UBAC2: variants seen among roughly 807,000 people sequenced by gnomAD.
UBAC2 encodes UBA domain containing 2.
UBAC2 carries 26 observed loss-of-function variants against 44.0 expected under a neutral mutation model. The observed-to-expected ratio is 0.59, with a 90% CI of 0.43 to 0.82. UBAC2 has a LOEUF of 0.82. Ranked by LOEUF, UBAC2 falls within the 40% of genes least tolerant of loss-of-function variation. The pLI is 0.00. For missense variants in UBAC2, 329 were observed against 419.4 expected (o/e 0.78, Z 1.88); for synonymous variants, 155 against 154.3 (o/e 1.00, Z -0.04).
chr13:99,299,696 T>C (rs2149263), intron 4 of UBAC2, among the ~76,000 whole-genome samples: 147,949 of 152,228 alleles, frequency 0.97, 72,027 homozygotes, highest in East Asian at 1. Context: ...CAAAGCTTGC[T>C]GTTCAGTGTT....
intron 4 of UBAC2, among the ~76,000 whole-genome samples, chr13:99,254,019 C>T (rs1446660845): frequency 6.6e-6 from 1 of 152,042 alleles, no homozygotes; most frequent in Non-Finnish European, 1.5e-5. Context: ...TGGTTTGTTA[C>T]TTTATTAGGA....
At chr13:99,280,106 C>T (rs2043932729) in intron 4 of UBAC2, among the ~76,000 whole-genome samples, 1 of 152,202 alleles carries the variant, frequency 6.6e-6, no homozygotes, top group Non-Finnish European at 1.5e-5. Context: ...ATCTCAATGC[C>T]ATCATCTGCA....
At chr13:99,281,876 C>T (rs1451290343) in intron 4 of UBAC2, among the ~76,000 whole-genome samples, 26 of 152,136 alleles carry the variant, frequency 1.7e-4, no homozygotes, top group Non-Finnish European at 1.5e-5. Flanking sequence ...TTTCAAACTG[C>T]GGTCTCAGTG....
At chr13:99,210,786 A>G (rs927740485) in intron 1 of UBAC2, among the ~76,000 whole-genome samples, 5 of 151,422 alleles carry the variant, frequency 3.3e-5, no homozygotes, top group South Asian at 2.1e-4. Flanking sequence ...CTATTTTTAT[A>G]CTTGTAGTAG....
At chr13:99,276,932 T>C (rs1171362496) in intron 4 of UBAC2, among the ~76,000 whole-genome samples, 1 of 152,198 alleles carries the variant, frequency 6.6e-6, no homozygotes, top group African/African-American at 2.4e-5. Flanking sequence ...TGCAGTGCTC[T>C]GCCTTCCTCT....
At position 99,295,210 on chromosome 13, in the gene UBAC2, A is replaced by G. The variant is rs1426134688; in HGVS notation, c.390-18887A>G. On this transcript the variant is annotated intron_variant, in intron 4 of 8. Coordinates refer to ENST00000403766, the MANE Select transcript of UBAC2 (RefSeq NM_001144072.2). The surrounding 1 kb of genome is among the most constrained non-coding windows in gnomAD (Gnocchi z 4.1). Reference sequence around the variant, plus strand: ...TCATAACCTTTCTCTTATACCCTTTACATGCAAAGAAGTAGATAAAAGGGT... The same window carrying G: ...TCATAACCTTTCTCTTATACCCTTTGCATGCAAAGAAGTAGATAAAAGGGT... The G allele has an allele frequency of 2.5e-6, 4 of 1,614,120 alleles. No individual in the cohort carries two copies. Among genetic ancestry groups the G allele is most frequent in the Non-Finnish European group, 3.4e-6 (4 of 1,179,994 alleles).
At chr13:99,328,875 T>G (rs1193448899) in intron 6 of UBAC2, among the ~76,000 whole-genome samples, 1 of 152,234 alleles carries the variant, frequency 6.6e-6, no homozygotes, top group Non-Finnish European at 1.5e-5. Flanking sequence ...GATGTTCTAT[T>G]TAAGAAATCT....
intron 1 of UBAC2, among the ~76,000 whole-genome samples, chr13:99,210,402 T>G (rs1403505337): frequency 6.6e-6 from 1 of 152,170 alleles, no homozygotes; most frequent in Non-Finnish European, 1.5e-5. Flanking sequence ...TTTCTTGCCT[T>G]TTTTCCACCC....
intron 5 of UBAC2, among the ~76,000 whole-genome samples, chr13:99,316,165 A>C (rs1268229353): frequency 1.3e-5 from 2 of 152,108 alleles, no homozygotes; most frequent in Non-Finnish European, 2.9e-5. Flanking sequence ...TGAGATCAGA[A>C]AATAGAGGTG....
intron 1 of UBAC2, among the ~76,000 whole-genome samples, chr13:99,208,794 C>A (rs2042905877): frequency 6.6e-6 from 1 of 152,230 alleles, no homozygotes; most frequent in African/African-American, 2.4e-5. Context: ...CTGAGCCTCG[C>A]ACGTAGTTAA....
At chr13:99,300,369 A>G (rs1024042065) in intron 4 of UBAC2, among the ~76,000 whole-genome samples, 4 of 152,222 alleles carry the variant, frequency 2.6e-5, no homozygotes, top group Non-Finnish European at 4.4e-5. Flanking sequence ...TTGAAGGATG[A>G]TTCCGCTAGC....
At chr13:99,235,552 A>G (rs1305833322) in intron 1 of UBAC2, among the ~76,000 whole-genome samples, 1 of 152,240 alleles carries the variant, frequency 6.6e-6, no homozygotes, top group Non-Finnish European at 1.5e-5. Flanking sequence ...CCAAATCAGC[A>G]GGATACTCAC....
intron 4 of UBAC2, among the ~76,000 whole-genome samples, chr13:99,281,219 AAAC>A (rs1304455746): frequency 2.0e-5 from 3 of 152,080 alleles, no homozygotes; most frequent in African/African-American, 4.8e-5. Context: ...AAACAAAAAA[AAAC>A]AACAGCAACA....
intron 8 of UBAC2, among the ~76,000 whole-genome samples, chr13:99,379,690 C>G (rs1395223288): frequency 1.3e-5 from 2 of 152,188 alleles, no homozygotes; most frequent in Non-Finnish European, 2.9e-5. Flanking sequence ...CACAGAACTT[C>G]AACAGTTTAT....
At chr13:99,277,331 G>A (rs766094970) in intron 4 of UBAC2, among the ~76,000 whole-genome samples, 28 of 152,146 alleles carry the variant, frequency 1.8e-4, no homozygotes, top group Non-Finnish European at 2.6e-4. Context: ...TTCGAGACCA[G>A]CCTAACCAAC....
At chr13:99,251,899 C>T (rs2043462561) in intron 4 of UBAC2, among the ~76,000 whole-genome samples, 1 of 152,190 alleles carries the variant, frequency 6.6e-6, no homozygotes, top group Non-Finnish European at 1.5e-5. Flanking sequence ...TTACGCCAAG[C>T]TTCTAGGAGC....
intron 7 of UBAC2, among the ~76,000 whole-genome samples, chr13:99,365,349 GATT>G (rs965550284): frequency 6.6e-6 from 1 of 151,870 alleles, no homozygotes; most frequent in African/African-American, 2.4e-5. Flanking sequence ...CATTTTTTTA[GATT>G]ATTGTTACTT....
intron 4 of UBAC2, among the ~76,000 whole-genome samples, chr13:99,283,267 G>C (rs1466674755): frequency 6.6e-6 from 1 of 152,082 alleles, no homozygotes; most frequent in African/African-American, 2.4e-5. Context: ...AATAGCAGCT[G>C]GTTCATAGAG....
intron 1 of UBAC2, among the ~76,000 whole-genome samples, chr13:99,230,564 G>A (rs2043160889): frequency 6.6e-6 from 1 of 152,194 alleles, no homozygotes; most frequent in Non-Finnish European, 1.5e-5. Context: ...AAATCAAGGT[G>A]TCAGCAGGGC....
Sources: gnomAD v4.1 joint callset for allele counts (sites outside exome capture counted in the v4.1 genomes callset) on GRCh38, gnomAD v4.1.1 for gene constraint, Gnocchi (gnomAD v3.1) non-coding constraint, MANE v1.5 for transcripts, NCBI Gene and HGNC (gene_info 2026-07-23, HGNC 2026-07-21) for gene names.